The following KMT2C variants were observed in gnomAD, a reference collection of about 807,000 sequenced individuals.
KMT2C encodes the protein lysine methyltransferase 2C.
Under a neutral mutation model 507.9 loss-of-function variants are expected in KMT2C, and 88 were observed. The observed-to-expected ratio is 0.17, with a 90% CI of 0.15 to 0.21. The LOEUF (loss-of-function observed/expected upper bound fraction) is 0.21. Among genes scored for constraint, KMT2C ranks in the 10% least tolerant of loss-of-function variants. KMT2C has a pLI of 1.00. For missense variants in KMT2C, 4,954 were observed against 5,957.8 expected (o/e 0.83, Z 5.55); for synonymous variants, 2,049 against 2,080.8 (o/e 0.98, Z 0.42).
Position 152,146,580 on chromosome 7 carries a change from G to A in KMT2C, c.14031+19C>T, listed in dbSNP as rs1413453652. ...TCAGGAAAGCAATTCCAATCTCAAA[G>A]CCTGACCAAGACACTCACTGATTCC... On this transcript the variant is annotated intron_variant, in intron 53 of 58. Coordinates refer to ENST00000262189, the MANE Select transcript of KMT2C (RefSeq NM_170606.3). The A allele has an allele frequency of 3.1e-6, 5 of 1,613,266 alleles. No homozygotes were observed. Among genetic ancestry groups the A allele is most frequent in the Non-Finnish European group, 4.2e-6 (5 of 1,179,404 alleles).
At position 152,176,364 on chromosome 7, in the gene KMT2C, T is replaced by C. The variant is rs2129112916; in HGVS notation, c.9089A>G (p.Gln3030Arg). ...TGCTAATGTTTGAGGAATCATTAGCTGTTGGGGTCCAGACATGCTACTGGT... is the reference window on the plus strand; with the variant it reads ...TGCTAATGTTTGAGGAATCATTAGCCGTTGGGGTCCAGACATGCTACTGGT... ...SGTSSMSGPQQLMIPQTLAQQ... is the reference protein window; with the variant it reads ...SGTSSMSGPQRLMIPQTLAQQ... Residue 3030 changes from glutamine to arginine, a missense_variant, in exon 38 of 59, where the codon CAG becomes CGG. By Grantham distance (43) the Gln-to-Arg change is conservative. Transcript: ENST00000262189. 6.2e-7 allele frequency: 1 copy of C among 1,614,178 alleles called. No homozygotes were observed. Among genetic ancestry groups the C allele is most frequent in the African/African-American group, 1.3e-5 (1 of 75,042 alleles).
At chr7:152,183,178 A>C (rs778625713) in intron 34 of KMT2C, 22 bp from the exon 35 acceptor site, 12 of 1,499,880 alleles carry the variant, frequency 8.0e-6, no homozygotes, top group Non-Finnish European at 1.1e-5. Flanking sequence ...GAAGAGAAAA[A>C]AATTTCCCAG....
chr7:152,168,275 A>C (rs2092820512), intron 41 of KMT2C, among the ~76,000 whole-genome samples: 1 of 152,230 alleles, frequency 6.6e-6, no homozygotes, highest in Admixed American at 6.5e-5. Flanking sequence ...ATGATAACAG[A>C]ATATTGTCAT....
chr7:152,252,461 C>T (rs1232180525), intron 10 of KMT2C, 85 bp downstream of exon 10: 2 of 1,090,472 alleles, frequency 1.8e-6, no homozygotes, highest in East Asian at 4.9e-5. Flanking sequence ...GTGATAAAAA[C>T]TTAGAAGCTG....
Position 152,182,376 on chromosome 7 carries a change from T to C in KMT2C, c.5484A>G (p.Glu1828=). The C allele has an allele frequency of 1.2e-6, 2 of 1,613,318 alleles. No individual in the cohort carries two copies. The highest frequency in any genetic ancestry group is 4.5e-5 in the East Asian group (2 of 44,872). Residue 1828 remains glutamate (E), a synonymous_variant, in exon 36 of 59, where the codon GAA becomes GAG. Transcript: ENST00000262189. ...TACTGGGTGGCTGTTTTGTAAACAG[T>C]TCTTTATGGAATGACTGTGCAGGAG... The part of the protein sequence containing the change: ...NMSPAQSFHK[E]LFTKQPPSTP...
intron 6 of KMT2C, among the ~76,000 whole-genome samples, chr7:152,301,919 T>C (rs975698552): frequency 1.3e-5 from 2 of 152,218 alleles, no homozygotes; most frequent in African/African-American, 4.8e-5. Context: ...ACTTTTACTA[T>C]ACACTGTTTT....
intron 53 of KMT2C, 27 bp downstream of exon 53, chr7:152,146,572 A>C (rs201721723): frequency 1.2e-6 from 2 of 1,612,110 alleles, no homozygotes; most frequent in Non-Finnish European, 1.7e-6. Flanking sequence ...AGCAATTCCA[A>C]TCTCAAAGCC....
Position 152,280,075 on chromosome 7 carries a change from CAAAT to C in KMT2C, c.850-6212_850-6209del, listed in dbSNP as rs1440045023. Reference sequence around the variant, plus strand: ...AAAAGGGAGATTTGCCTAATCTAATCAAATAACCTCTTTGAAAGCGGAGTTTTCT... The same window carrying C: ...AAAAGGGAGATTTGCCTAATCTAATCAACCTCTTTGAAAGCGGAGTTTTCT... On this transcript the variant is annotated intron_variant, in intron 6 of 58. Coordinates refer to ENST00000262189, the MANE Select transcript of KMT2C (RefSeq NM_170606.3). Among the ~76,000 whole-genome samples, 12 of 152,426 alleles carry C rather than the reference CAAAT, an allele frequency of 7.9e-5. No homozygotes were observed. In the East Asian group the frequency reaches 1.9e-3, roughly 24 times the overall value.
intron 18 of KMT2C, among the ~76,000 whole-genome samples, chr7:152,227,273 T>C (rs1225950309): frequency 6.6e-6 from 1 of 152,262 alleles, no homozygotes; most frequent in Non-Finnish European, 1.5e-5. Flanking sequence ...ATCATTTTTT[T>C]CTTCCGTTGA....
intron 34 of KMT2C, 111 bp from the exon 35 acceptor site, chr7:152,183,267 T>C (rs539841947): frequency 4.8e-6 from 4 of 832,934 alleles, no homozygotes; most frequent in Admixed American, 5.3e-5. Context: ...TCAGGTAAAA[T>C]AGCTGAAATA....
rs564457220 is a variant in KMT2C, at chr7:152,228,764, C to T, written c.2976+1159G>A. On this transcript the variant is annotated intron_variant, in intron 18 of 58. Coordinates refer to ENST00000262189, the MANE Select transcript of KMT2C (RefSeq NM_170606.3). Reference sequence around the variant, plus strand: ...TCTAATGATAGCAGCAACTTTTATACAGAATATAAAGTACAAAGAAGAAAA... The same window carrying T: ...TCTAATGATAGCAGCAACTTTTATATAGAATATAAAGTACAAAGAAGAAAA... 5.9e-5 allele frequency among the ~76,000 whole-genome samples: 9 copies of T among 152,208 alleles called. No individual in the cohort carries two copies. In the South Asian group the frequency reaches 1.2e-3, roughly 21 times the overall value.
chr7:152,258,774 C>T (rs1220809263), intron 9 of KMT2C, among the ~76,000 whole-genome samples: 1 of 152,142 alleles, frequency 6.6e-6, no homozygotes. Flanking sequence ...GATCCACCCG[C>T]TTCAGCCTCC....
At chr7:152,304,444 G>A (rs1392948547) in intron 6 of KMT2C, among the ~76,000 whole-genome samples, 2 of 152,088 alleles carry the variant, frequency 1.3e-5, no homozygotes, top group Non-Finnish European at 2.9e-5. Context: ...TTCTTTTAAG[G>A]TGACAAACAT....
At chr7:152,175,322 AT>A (rs936020356) in intron 38 of KMT2C, among the ~76,000 whole-genome samples, 10 of 150,210 alleles carry the variant, frequency 6.7e-5, no homozygotes, top group East Asian at 2.0e-4. Context: ...ATTTTTTGTT[AT>A]TTTTTTTTAA....
intron 23 of KMT2C, among the ~76,000 whole-genome samples, chr7:152,215,296 G>A (rs554542944): frequency 2.8e-4 from 42 of 151,814 alleles, no homozygotes; most frequent in South Asian, 6.2e-4. Flanking sequence ...GGCAGATCAC[G>A]AGTTCAGGAG....
At position 152,180,819 on chromosome 7, in the gene KMT2C, C is replaced by T. The variant is rs1373859153; in HGVS notation, c.7041G>A (p.Gln2347=). Reference sequence around the variant, plus strand: ...GAAGTTGGGAGACACCAGAGAACTGCTGGCCTTGGGAGTGCATTGGAGAGT... The same window carrying T: ...GAAGTTGGGAGACACCAGAGAACTGTTGGCCTTGGGAGTGCATTGGAGAGT... ...SSNSPMHSQG[Q]QFSGVSQLPG... is the part of the protein sequence containing the mutation. The change falls in exon 36 of 59, where the codon CAG becomes CAA. Residue 2347 remains glutamine (Q), a synonymous_variant. Coordinates refer to ENST00000262189, the MANE Select transcript of KMT2C (RefSeq NM_170606.3). 4 of 1,614,084 alleles carry T rather than the reference C, an allele frequency of 2.5e-6. No homozygotes were observed. In the Admixed American group the frequency reaches 6.7e-5, roughly 27 times the overall value.
intron 2 of KMT2C, among the ~76,000 whole-genome samples, chr7:152,333,262 G>T (rs144128997): frequency 2.6e-5 from 4 of 152,150 alleles, no homozygotes; most frequent in African/African-American, 9.6e-5. Context: ...CTCCCAAGCA[G>T]CTGGGACCAC....
Position 152,406,223 on chromosome 7 carries a change from A to G in KMT2C, c.161+29403T>C, listed in dbSNP as rs1417898197. ...CACTCTGGCAGGCCAAGGTGGGTGG[A>G]TCACTTGAGCCCAGGAGTTCAAGAC... On this transcript the variant is annotated intron_variant, in intron 1 of 58. Transcript: ENST00000262189. Among the ~76,000 whole-genome samples the G allele has an allele frequency of 1.1e-4, 16 of 149,730 alleles. No individual in the cohort carries two copies. The East Asian group carries it at 2.1e-3, about 20-fold the overall frequency.
chr7:152,284,258 GAC>G (rs1411882695), intron 6 of KMT2C, among the ~76,000 whole-genome samples: 18 of 152,000 alleles, frequency 1.2e-4, no homozygotes, highest in Admixed American at 5.2e-4. Context: ...TAAAAGGAGA[GAC>G]AAATAAGTCA....
Sources: gnomAD v4.1 joint callset for allele counts (sites outside exome capture counted in the v4.1 genomes callset) on GRCh38, gnomAD v4.1.1 for gene constraint, MANE v1.5 for transcripts, NCBI Gene and HGNC (gene_info 2026-07-23, HGNC 2026-07-21) for gene names.